CST8: variants seen among roughly 807,000 people sequenced by gnomAD.
CST8 encodes cystatin-8.
In CST8, 20 loss-of-function variants were observed where a neutral mutation model predicts 11.8. The ratio of observed to expected loss-of-function variants is 1.70; its 90% CI spans 1.20 to 2.47. The LOEUF is 2.47. Among genes scored for constraint, CST8 ranks in the 30% most tolerant of loss-of-function variants. CST8 has a pLI of 0.00. For missense variants in CST8, 196 were observed against 167.2 expected, an observed-to-expected ratio of 1.17 and a Z score of -0.95; for synonymous variants, 77 against 63.1, an observed-to-expected ratio of 1.22 and a Z score of -1.05.
At chr20:23,501,530 G>C in the CST8 span, among the ~76,000 whole-genome samples, 3 of 152,324 alleles carry the variant, frequency 2.0e-5, no homozygotes, top group South Asian at 2.1e-4. Flanking sequence ...ACAGAGTGAA[G>C]GGTGTGAGTG....
the CST8 span, among the ~76,000 whole-genome samples, chr20:23,502,502 C>T: frequency 6.6e-6 from 1 of 152,160 alleles, no homozygotes; most frequent in Non-Finnish European, 1.5e-5. Context: ...ACGTCTCTGG[C>T]CTGAGCCACT....
intron 3 of CST8, among the ~76,000 whole-genome samples, chr20:23,494,641 A>G (rs1201401153): frequency 6.6e-6 from 1 of 152,136 alleles, no homozygotes; most frequent in African/African-American, 2.4e-5. Flanking sequence ...CTGCCTACCC[A>G]TCTATCTACC....
chr20:23,492,033 C>G (rs1987902243), intron 2 of CST8, 135 bp downstream of exon 2: 1 of 666,514 alleles, frequency 1.5e-6, no homozygotes. Flanking sequence ...AGCCTAGACA[C>G]TTCCACAGCA....
rs1988008401 is a variant in CST8, at chr20:23,495,276, C to T, written c.346-555C>T. Among the ~76,000 whole-genome samples the T allele has an allele frequency of 2.0e-5, 3 of 152,074 alleles. No individual in the cohort carries two copies. The South Asian group carries it at 6.2e-4, about 32-fold the overall frequency. ...TGTGAATGGTGCTGCAGTGAACATA[C>T]ATGTGCATGTGTCTTCGTGGTAGAA... On this transcript the variant is annotated intron_variant, in intron 3 of 3. Coordinates refer to ENST00000246012, the MANE Select transcript of CST8 (RefSeq NM_005492.4).
chr20:23,504,058 G>GA, the CST8 span, among the ~76,000 whole-genome samples: 125 of 152,246 alleles, frequency 8.2e-4, no homozygotes, highest in African/African-American at 2.7e-3. Flanking sequence ...TAAAGGTGAG[G>GA]AAAAAAAGAA....
chr20:23,501,692 CA>C, the CST8 span, among the ~76,000 whole-genome samples: 2 of 152,174 alleles, frequency 1.3e-5, no homozygotes, highest in African/African-American at 4.8e-5. Context: ...GGATCCTGCC[CA>C]GGGAAGAGAG....
intron 3 of CST8, among the ~76,000 whole-genome samples, chr20:23,494,841 G>A (rs1260071911): frequency 6.6e-6 from 1 of 152,202 alleles, no homozygotes; most frequent in East Asian, 1.9e-4. Context: ...AGATTCAGGG[G>A]TACACATACA....
chr20:23,495,050 TG>T (rs1988001784), intron 3 of CST8, among the ~76,000 whole-genome samples: 1 of 152,218 alleles, frequency 6.6e-6, no homozygotes, highest in Non-Finnish European at 1.5e-5. Flanking sequence ...CACTTATAAG[TG>T]AGAACATGTG....
At chr20:23,492,678 C>T (rs1033487724) in intron 2 of CST8, among the ~76,000 whole-genome samples, 1 of 152,062 alleles carries the variant, frequency 6.6e-6, no homozygotes, top group African/African-American at 2.4e-5. Flanking sequence ...GGCTTGGGGA[C>T]AGGAAATGGA....
At chr20:23,499,675 C>T (rs75692804), downstream of CST8, among the ~76,000 whole-genome samples, 2,868 of 152,258 alleles carry the variant, frequency 0.019, 51 homozygotes, top group South Asian at 0.054. Flanking sequence ...GGGTCCTTGC[C>T]CTCTACCTTG....
intron 2 of CST8, among the ~76,000 whole-genome samples, chr20:23,492,706 T>C (rs1355484608): frequency 6.6e-6 from 1 of 152,074 alleles, no homozygotes; most frequent in African/African-American, 2.4e-5. Flanking sequence ...GGCCTTGCTT[T>C]CAAGGAGGTG....
At chr20:23,497,429 T>G (rs934732006), downstream of CST8, among the ~76,000 whole-genome samples, 1 of 152,198 alleles carries the variant, frequency 6.6e-6, no homozygotes, top group Non-Finnish European at 1.5e-5. Context: ...GCTCTTCCTG[T>G]CTAAGAGTCC....
chr20:23,497,464 G>A (rs1361094288), downstream of CST8, among the ~76,000 whole-genome samples: 1 of 152,190 alleles, frequency 6.6e-6, no homozygotes, highest in Non-Finnish European at 1.5e-5. Context: ...ATTTGGTCTG[G>A]GGGACCCCTG....
chr20:23,501,283 G>A, the CST8 span, among the ~76,000 whole-genome samples: 1 of 152,174 alleles, frequency 6.6e-6, no homozygotes, highest in Non-Finnish European at 1.5e-5. Flanking sequence ...AGAGTTGAGG[G>A]AATCAGATGC....
rs771625464 is a variant in CST8, at chr20:23,491,695, ATCC to A, written c.34_36del (p.Leu12del). The A allele has an allele frequency of 6.2e-7, 1 of 1,613,854 alleles. No homozygotes were observed. The highest frequency in any genetic ancestry group is 1.1e-5 in the South Asian group (1 of 91,078). ...GCCCAGGTGCCGGTGGCTCTCCCTG[ATCC>A]TCCTCACCATTCCCCTGGCCCTGGT... On this transcript the variant is annotated inframe_deletion, in exon 2 of 4. Coordinates refer to ENST00000246012, the MANE Select transcript of CST8 (RefSeq NM_005492.4).
At chr20:23,496,280 T>A (rs1056524837), downstream of CST8, among the ~76,000 whole-genome samples, 2 of 151,920 alleles carry the variant, frequency 1.3e-5, no homozygotes, top group African/African-American at 4.8e-5. Context: ...TCCCTAAGTG[T>A]CAGCCAGTCT....
intron 3 of CST8, among the ~76,000 whole-genome samples, chr20:23,494,659 C>A (rs901968065): frequency 2.0e-5 from 3 of 152,184 alleles, no homozygotes; most frequent in African/African-American, 7.2e-5. Context: ...ACCCATCCAT[C>A]CATCCATTCA....
At position 23,492,946 on chromosome 20, in the gene CST8, G is replaced by A; in HGVS notation, c.232-12G>A. 1.4e-6 allele frequency: 2 copies of A among 1,450,382 alleles called. No individual in the cohort carries two copies. The highest frequency in any genetic ancestry group is 1.9e-6 in the Non-Finnish European group (2 of 1,032,162). The allele number at this position is 1,450,382 out of a possible 1,614,324, so 89.8% of individuals were successfully genotyped here. ...CTCTTTTGAATAAAATTGCATAATTGCTAACCAACAGGTCACAAATCTTCT... is the reference window on the plus strand; with the variant it reads ...CTCTTTTGAATAAAATTGCATAATTACTAACCAACAGGTCACAAATCTTCT... On this transcript the variant is annotated splice_polypyrimidine_tract_variant and intron_variant, in intron 2 of 3. Coordinates refer to ENST00000246012, the MANE Select transcript of CST8 (RefSeq NM_005492.4).
the CST8 span, among the ~76,000 whole-genome samples, chr20:23,501,991 G>A: frequency 6.6e-6 from 1 of 152,208 alleles, no homozygotes. Context: ...ACACCATGCT[G>A]TAGCTTGACC....
Sources: gnomAD v4.1 joint callset for allele counts (sites outside exome capture counted in the v4.1 genomes callset) on GRCh38, gnomAD v4.1.1 for gene constraint, MANE v1.5 for transcripts, NCBI Gene and HGNC (gene_info 2026-07-23, HGNC 2026-07-21) for gene names.